The following LDLRAD4 variants were observed in gnomAD, a reference collection of about 807,000 sequenced individuals.
LDLRAD4 encodes low density lipoprotein receptor class A domain containing 4.
In LDLRAD4, 5 loss-of-function variants were observed where a neutral mutation model predicts 17.0. The ratio of observed to expected loss-of-function variants is 0.29; its 90% CI spans 0.15 to 0.62. The LOEUF (loss-of-function observed/expected upper bound fraction) is 0.62. LDLRAD4 is among the 20% of genes least tolerant of loss of function. The pLI is 0.84. For missense variants in LDLRAD4, 340 were observed against 424.7 expected (o/e 0.80, Z 1.75); for synonymous variants, 168 against 171.8 (o/e 0.98, Z 0.17).
At chr18:13,297,296 C>T (rs139622565) in intron 1 of LDLRAD4, among the ~76,000 whole-genome samples, 11 of 152,214 alleles carry the variant, frequency 7.2e-5, no homozygotes, top group African/African-American at 1.7e-4. Context: ...ATCATAGCAC[C>T]GTTTGGTGTT....
chr18:13,356,224 G>A (rs1321151247), intron 1 of LDLRAD4, among the ~76,000 whole-genome samples: 1 of 152,226 alleles, frequency 6.6e-6, no homozygotes, highest in Non-Finnish European at 1.5e-5. Context: ...CAGGCCACTG[G>A]GCATGACCTC....
At chr18:13,312,515 G>C (rs1453848937) in intron 1 of LDLRAD4, among the ~76,000 whole-genome samples, 2 of 152,162 alleles carry the variant, frequency 1.3e-5, no homozygotes, top group Non-Finnish European at 2.9e-5. Context: ...GCTAAGGCGG[G>C]AGTACCACTT....
Position 13,282,577 on chromosome 18 carries a change from C to T in LDLRAD4, c.-383+4389C>T, listed in dbSNP as rs376952777. Among the ~76,000 whole-genome samples the T allele has an allele frequency of 1.1e-3, 162 of 152,356 alleles. 1 individual carries two copies. In the South Asian group the frequency reaches 0.014, roughly 13 times the overall value. On this transcript the variant is annotated intron_variant, in intron 1 of 5. Coordinates refer to ENST00000359446, the Ensembl canonical transcript of LDLRAD4. ...CCTTTGATCCCAGGTCTCACATCCGCGTCACACTGATGTAAGAGGTGGCTT... is the reference window on the plus strand; with the variant it reads ...CCTTTGATCCCAGGTCTCACATCCGTGTCACACTGATGTAAGAGGTGGCTT...
At chr18:13,268,239 C>G (rs1417218613) in intron 1 of LDLRAD4, among the ~76,000 whole-genome samples, 1 of 152,214 alleles carries the variant, frequency 6.6e-6, no homozygotes, top group Non-Finnish European at 1.5e-5. Flanking sequence ...TATCCGTTTT[C>G]CTTAGTCTCA....
In LDLRAD4 at chr18:13,642,594, G is replaced by A. The variant is rs1601884528; in HGVS notation, c.337-765G>A. The A allele has an allele frequency of 3.3e-6, 4 of 1,229,494 alleles. No homozygotes were observed. In the East Asian group the frequency reaches 1.3e-4, roughly 39 times the overall value. The allele number at this position is 1,229,494 out of a possible 1,614,324, so 76.2% of individuals were successfully genotyped here. ...GATCCTGAGCCCAGGCTCGGAAAGG[G>A]CCGTCCACCTGCGAGCGCGGACTTG... On this transcript the variant is annotated intron_variant, in intron 4 of 5. Coordinates refer to ENST00000359446, the Ensembl canonical transcript of LDLRAD4.
chr18:13,379,241 CA>C (rs1344574095), intron 1 of LDLRAD4, among the ~76,000 whole-genome samples: 2 of 152,072 alleles, frequency 1.3e-5, no homozygotes, highest in African/African-American at 2.4e-5. Context: ...ATGTTTGAAA[CA>C]GTGTGGGGCT....
At chr18:13,564,725 T>A (rs1055598529) in intron 3 of LDLRAD4, among the ~76,000 whole-genome samples, 32 of 151,896 alleles carry the variant, frequency 2.1e-4, no homozygotes, top group Non-Finnish European at 3.7e-4. Flanking sequence ...GGCGGGGCCG[T>A]GAGTCTGGAA....
At chr18:13,532,461 C>T (rs758122738) in intron 3 of LDLRAD4, among the ~76,000 whole-genome samples, 1 of 152,140 alleles carries the variant, frequency 6.6e-6, no homozygotes, top group Non-Finnish European at 1.5e-5. Context: ...TACAAGCGAC[C>T]GCGTAGTTGG....
At position 13,645,261 on chromosome 18, in the gene LDLRAD4, C is replaced by G; in HGVS notation, c.525C>G (p.Ser175=). The change falls in exon 6 of 6, where the codon TCC becomes TCG. Residue 175 remains serine (S), a synonymous_variant. Coordinates refer to ENST00000359446, the Ensembl canonical transcript of LDLRAD4. This position sits in a 1 kb window ranked among gnomAD's most constrained non-coding sequence, Gnocchi z 5.7. ...ATCTTCCTCCCACCATCTCCCTGTC[C>G]GACGGTGAAGAGCCACCTCCTTACC... is the stretch of plus-strand genomic sequence containing the variant. 3 of 1,614,174 alleles carry G rather than the reference C, an allele frequency of 1.9e-6. No homozygotes were observed. The highest frequency in any genetic ancestry group is 2.5e-6 in the Non-Finnish European group (3 of 1,180,032).
At chr18:13,324,161 G>A (rs1407104029) in intron 1 of LDLRAD4, among the ~76,000 whole-genome samples, 42 of 150,122 alleles carry the variant, frequency 2.8e-4, no homozygotes, top group African/African-American at 8.8e-4. Flanking sequence ...TTTTTGAGAC[G>A]GAGTCTCGCT....
chr18:13,340,642 A>G (rs2082327575), intron 1 of LDLRAD4, among the ~76,000 whole-genome samples: 1 of 152,136 alleles, frequency 6.6e-6, no homozygotes, highest in African/African-American at 2.4e-5. Context: ...CCATAATCAG[A>G]TATGTGATTT....
At chr18:13,463,890 A>G (rs2092527777) in intron 3 of LDLRAD4, among the ~76,000 whole-genome samples, 2 of 152,236 alleles carry the variant, frequency 1.3e-5, no homozygotes, top group Non-Finnish European at 2.9e-5. Flanking sequence ...GCATTAATGG[A>G]TAGTACTTCT....
chr18:13,466,248 A>G (rs1484699780), intron 3 of LDLRAD4, among the ~76,000 whole-genome samples: 1 of 152,164 alleles, frequency 6.6e-6, no homozygotes, highest in Non-Finnish European at 1.5e-5. Flanking sequence ...AGGTGGGCAG[A>G]TCATTTGAAC....
intron 1 of LDLRAD4, among the ~76,000 whole-genome samples, chr18:13,337,128 C>T (rs2082140755): frequency 6.6e-6 from 1 of 151,694 alleles, no homozygotes; most frequent in Admixed American, 6.6e-5. Flanking sequence ...GGCTGTTTTC[C>T]TACAAATGTA....
At chr18:13,291,610 G>T (rs997362505) in intron 1 of LDLRAD4, among the ~76,000 whole-genome samples, 2 of 152,036 alleles carry the variant, frequency 1.3e-5, no homozygotes, top group Non-Finnish European at 2.9e-5. Flanking sequence ...AGGCTGGCCC[G>T]TCTGAATCCC....
intron 1 of LDLRAD4, among the ~76,000 whole-genome samples, chr18:13,380,991 G>C (rs2085316511): frequency 6.6e-6 from 1 of 151,542 alleles, no homozygotes; most frequent in Non-Finnish European, 1.5e-5. Flanking sequence ...TAGGCAGCCT[G>C]TTTCTCTGAC....
At chr18:13,516,590 CAACA>C (rs1175682447) in intron 3 of LDLRAD4, among the ~76,000 whole-genome samples, 2 of 152,184 alleles carry the variant, frequency 1.3e-5, no homozygotes, top group Non-Finnish European at 2.9e-5. Context: ...TTCTAAAAAC[CAACA>C]GAGCGGCACT....
intron 1 of LDLRAD4, among the ~76,000 whole-genome samples, chr18:13,374,528 C>CA (rs143970983): frequency 2.0e-5 from 3 of 152,342 alleles, no homozygotes; most frequent in African/African-American, 7.2e-5. Flanking sequence ...CTGCAGTCAC[C>CA]ACATCCCCGG....
intron 1 of LDLRAD4, among the ~76,000 whole-genome samples, chr18:13,233,872 T>A (rs2042204185): frequency 6.6e-6 from 1 of 151,830 alleles, no homozygotes; most frequent in Non-Finnish European, 1.5e-5. Context: ...GAACTCTTAC[T>A]CCCCCAGCTG....
Sources: allele counts gnomAD v4.1 joint callset (sites outside exome capture counted in the v4.1 genomes callset), GRCh38; gene constraint gnomAD v4.1.1; non-coding constraint Gnocchi (gnomAD v3.1); transcripts MANE v1.5; gene names NCBI Gene and HGNC (gene_info 2026-07-23, HGNC 2026-07-21).